ITPR2: variants seen among roughly 807,000 people sequenced by gnomAD.
The protein encoded by ITPR2 is inositol 1,4,5-trisphosphate receptor type 2, also known as inositol 1,4,5-trisphosphate-gated calcium channel ITPR2.
A neutral mutation model predicts 317.1 loss-of-function variants in ITPR2; 207 were observed. The ratio of observed to expected loss-of-function variants is 0.65; its 90% CI spans 0.58 to 0.73. The LOEUF (loss-of-function observed/expected upper bound fraction) is 0.73. Ranked by LOEUF, ITPR2 falls within the 30% of genes least tolerant of loss-of-function variation. ITPR2 has a pLI of 0.00. For missense variants in ITPR2, 2,613 were observed against 3,284.0 expected (o/e 0.80, Z 4.99); for synonymous variants, 1,156 against 1,149.1 (o/e 1.01, Z -0.12).
intron 2 of ITPR2, among the ~76,000 whole-genome samples, chr12:26,732,268 T>C (rs1949040926): frequency 6.6e-6 from 1 of 152,184 alleles, no homozygotes; most frequent in Non-Finnish European, 1.5e-5. Flanking sequence ...ACTGATAAAA[T>C]GTTAGCACTC....
chr12:26,578,584 T>C, intron 34 of ITPR2, 129 bp downstream of exon 34: 1 of 737,174 alleles, frequency 1.4e-6, no homozygotes. Context: ...ATGGCTGCTC[T>C]TCAGTTTAAC....
At chr12:26,589,356 G>T (rs1236682962) in intron 32 of ITPR2, among the ~76,000 whole-genome samples, 1 of 152,028 alleles carries the variant, frequency 6.6e-6, no homozygotes, top group African/African-American at 2.4e-5. Context: ...CTAAAAAAAG[G>T]TGACTTTAGA....
At chr12:26,516,383 C>T (rs1404825841) in intron 37 of ITPR2, among the ~76,000 whole-genome samples, 14 of 140,492 alleles carry the variant, frequency 1.0e-4, no homozygotes, top group African/African-American at 3.1e-4. Flanking sequence ...TGAGGAACTA[C>T]TGTTATGAAA....
intron 9 of ITPR2, among the ~76,000 whole-genome samples, chr12:26,696,323 C>G (rs1278998340): frequency 6.6e-6 from 1 of 152,164 alleles, no homozygotes; most frequent in Non-Finnish European, 1.5e-5. Flanking sequence ...AATAGTTGAT[C>G]ACTCGTAAAG....
Position 26,410,558 on chromosome 12 carries a change from G to A in ITPR2, c.7399+762C>T, listed in dbSNP as rs1318214428. On this transcript the variant is annotated intron_variant, in intron 52 of 56. Coordinates refer to ENST00000381340, the MANE Select transcript of ITPR2 (RefSeq NM_002223.4). ...TGCTTAACTCTTTCTTCCCTTATCT[G>A]TCCTAAGTCTAACTTTGCCCTCTGT... 3.9e-5 allele frequency among the ~76,000 whole-genome samples: 6 copies of A among 152,098 alleles called. 1 individual carries two copies. The highest frequency in any genetic ancestry group is 1.4e-4 in the African/African-American group (6 of 41,400).
At chr12:26,682,066 T>C in intron 12 of ITPR2, 32 bp from the exon 13 acceptor site, 2 of 1,563,518 alleles carry the variant, frequency 1.3e-6, no homozygotes, top group Middle Eastern at 1.7e-4. Context: ...CTTAGTTTTA[T>C]AAACAACTAT....
At chr12:26,575,361 C>T (rs1465535233) in intron 34 of ITPR2, among the ~76,000 whole-genome samples, 1 of 151,654 alleles carries the variant, frequency 6.6e-6, no homozygotes, top group East Asian at 1.9e-4. Flanking sequence ...ACATTAATTT[C>T]CTGCAGTGGT....
chr12:26,425,482 C>T (rs534150953), intron 49 of ITPR2, among the ~76,000 whole-genome samples: 11 of 151,936 alleles, frequency 7.2e-5, no homozygotes, highest in Non-Finnish European at 1.5e-4. Flanking sequence ...TCCTGGCTAA[C>T]ATGGTGAAAC....
At chr12:26,711,117 C>T (rs895426688) in intron 9 of ITPR2, 56 bp downstream of exon 9, 1 of 1,202,354 alleles carries the variant, frequency 8.3e-7, no homozygotes, top group African/African-American at 1.5e-5. Context: ...AACCCAACTG[C>T]CTCTTTCACT....
At chr12:26,789,954 C>T (rs575835199) in intron 2 of ITPR2, among the ~76,000 whole-genome samples, 2 of 152,152 alleles carry the variant, frequency 1.3e-5, no homozygotes, top group East Asian at 1.9e-4. Flanking sequence ...TCTGGCAAAA[C>T]AAAAATCAAA....
At chr12:26,380,832 T>C (rs1939488003) in intron 55 of ITPR2, among the ~76,000 whole-genome samples, 1 of 152,210 alleles carries the variant, frequency 6.6e-6, no homozygotes, top group Non-Finnish European at 1.5e-5. Context: ...TAAACAAGAC[T>C]GATTTTGATT....
intron 2 of ITPR2, among the ~76,000 whole-genome samples, chr12:26,740,010 G>A (rs1007158451): frequency 6.6e-6 from 1 of 152,168 alleles, no homozygotes; most frequent in Non-Finnish European, 1.5e-5. Context: ...TAAATCACAG[G>A]ATCTAGCTTG....
At chr12:26,400,846 A>C (rs550172913) in intron 52 of ITPR2, 1 of 152,354 alleles carries the variant, frequency 6.6e-6, no homozygotes, top group Non-Finnish European at 1.5e-5. Context: ...CCACACTGGG[A>C]CTCAGGCAAG....
At chr12:26,644,240 A>G (rs985865971) in intron 21 of ITPR2, among the ~76,000 whole-genome samples, 1 of 152,144 alleles carries the variant, frequency 6.6e-6, no homozygotes, top group Non-Finnish European at 1.5e-5. Flanking sequence ...AGGCTGCCCC[A>G]GGTATGGCTC....
rs574843840 is a variant in ITPR2 at position 26,805,087 on chromosome 12, AT to A, written c.93-14861del. On this transcript the variant is annotated intron_variant, in intron 1 of 56. Transcript: ENST00000381340. ...CTTCAGACAGTGATCATGACCACAA[AT>A]AAAAATTCGTAAAGAGACATACTGG... Among the ~76,000 whole-genome samples the A allele has an allele frequency of 4.4e-4, 67 of 152,290 alleles. No individual in the cohort carries two copies. In the East Asian group the frequency reaches 0.013, roughly 29 times the overall value.
At chr12:26,718,801 G>C (rs1053947809) in intron 5 of ITPR2, among the ~76,000 whole-genome samples, 2 of 151,792 alleles carry the variant, frequency 1.3e-5, no homozygotes, top group African/African-American at 4.8e-5. Context: ...TAGTAGATAC[G>C]GGGTTTCACT....
At chr12:26,367,426 T>G (rs925736504) in intron 55 of ITPR2, among the ~76,000 whole-genome samples, 1 of 152,256 alleles carries the variant, frequency 6.6e-6, no homozygotes, top group South Asian at 2.1e-4. Context: ...TTTTTCTTTA[T>G]TAAAGATGAT....
chr12:26,804,854 C>T (rs1434904403), intron 1 of ITPR2, among the ~76,000 whole-genome samples: 1 of 152,150 alleles, frequency 6.6e-6, no homozygotes, highest in Non-Finnish European at 1.5e-5. Flanking sequence ...CCCACTTCAG[C>T]CTCCCTATCA....
intron 37 of ITPR2, among the ~76,000 whole-genome samples, chr12:26,522,904 G>A (rs1404856883): frequency 1.3e-5 from 2 of 152,140 alleles, no homozygotes; most frequent in Admixed American, 6.5e-5. Flanking sequence ...ACCTAAAATC[G>A]CAAAAGAACT....
Sources: allele counts gnomAD v4.1 joint callset (sites outside exome capture counted in the v4.1 genomes callset), GRCh38; gene constraint gnomAD v4.1.1; transcripts MANE v1.5; gene names NCBI Gene and HGNC (gene_info 2026-07-23, HGNC 2026-07-21).